The following ERCC6 variants were observed in gnomAD, a reference collection of about 807,000 sequenced individuals.
ERCC6 encodes the protein ERCC excision repair 6, chromatin remodeling factor.
A neutral mutation model predicts 158.7 loss-of-function variants in ERCC6; 116 were observed. The observed-to-expected ratio is 0.73, with a 90% confidence interval of 0.63 to 0.85. The LOEUF (loss-of-function observed/expected upper bound fraction) is 0.85. Ranked by LOEUF, ERCC6 falls within the 40% of genes least tolerant of loss-of-function variation. ERCC6 has a pLI of 0.00. For missense variants in ERCC6, 1,698 were observed against 1,799.4 expected, an observed-to-expected ratio of 0.94 and a Z score of 1.02; for synonymous variants, 678 against 659.3, an observed-to-expected ratio of 1.03 and a Z score of -0.43.
intron 5 of ERCC6, among the ~76,000 whole-genome samples, chr10:49,509,153 G>C (rs1851494523): frequency 6.6e-6 from 1 of 152,168 alleles, no homozygotes; most frequent in African/African-American, 2.4e-5. Context: ...CCTCCACTGA[G>C]ATGGGGAGAA....
chr10:49,464,389 G>A (rs1850636115), intron 18 of ERCC6, among the ~76,000 whole-genome samples: 2 of 152,216 alleles, frequency 1.3e-5, no homozygotes, highest in African/African-American at 2.4e-5. Context: ...AGTTTTATAA[G>A]GGAAGCAGTG....
At position 49,459,229 on chromosome 10, in the gene ERCC6, G is replaced by A. The variant is rs1398129059; in HGVS notation, c.4068C>T (p.Gly1356=). Residue 1356 remains glycine, a synonymous_variant, in exon 21 of 21, where the codon GGC becomes GGT. Coordinates refer to ENST00000355832, the MANE Select transcript of ERCC6 (RefSeq NM_000124.4). ...STSPTEKCQD[G]IMKKEGKDNV... is the part of the protein sequence containing the mutation. ...TATCTTTTCCCTCCTTTTTCATGAT[G>A]CCATCCTATAAAAAGAAGACCACTA... The A allele has an allele frequency of 1.2e-6, 2 of 1,613,760 alleles. No homozygotes were observed. Among genetic ancestry groups the A allele is most frequent in the South Asian group, 1.1e-5 (1 of 91,070 alleles).
downstream of ERCC6, among the ~76,000 whole-genome samples, chr10:49,449,842 G>A (rs775461028): frequency 1.8e-4 from 27 of 151,364 alleles, no homozygotes; most frequent in Non-Finnish European, 2.8e-4. Context: ...GAGCCACCGC[G>A]CCTGGCCTCT....
intron 19 of ERCC6, 151 bp from the exon 20 acceptor site, chr10:49,460,602 C>G (rs1210267997): frequency 1.5e-6 from 1 of 682,858 alleles, no homozygotes; most frequent in African/African-American, 1.8e-5. Flanking sequence ...CTATCCCCCT[C>G]GATTCTTCCA....
intron 5 of ERCC6, among the ~76,000 whole-genome samples, chr10:49,523,750 A>G (rs1837234166): frequency 6.6e-6 from 1 of 152,100 alleles, no homozygotes; most frequent in South Asian, 2.1e-4. Context: ...GCTCACACTC[A>G]GCCCTCTGTA....
chr10:49,443,807 T>G, the ERCC6 span, among the ~76,000 whole-genome samples: 436 of 152,340 alleles, frequency 2.9e-3, 2 homozygotes, highest in African/African-American at 0.01. Context: ...CCATATAGCC[T>G]AGGTGTGTAG....
chr10:49,530,353 A>G (rs748391653), intron 3 of ERCC6, among the ~76,000 whole-genome samples: 67 of 152,296 alleles, frequency 4.4e-4, no homozygotes, highest in Admixed American at 1.6e-3. Context: ...GGACTTAACT[A>G]TGGTTTGACT....
At position 49,532,977 on chromosome 10, in the gene ERCC6, A is replaced by C; in HGVS notation, c.-13T>G. ...CCTCATTTGGCATTCTCTACAGACT[A>C]CCTAAAAGGAAAAAAATTTATAAGC... On this transcript the variant is annotated splice_region_variant and 5_prime_UTR_variant, in exon 2 of 21. Coordinates refer to ENST00000355832, the MANE Select transcript of ERCC6 (RefSeq NM_000124.4). The C allele has an allele frequency of 6.2e-7, 1 of 1,614,174 alleles. No homozygotes were observed. Among genetic ancestry groups the C allele is most frequent in the Non-Finnish European group, 8.5e-7 (1 of 1,180,036 alleles).
chr10:49,457,583 TAGC>T lies in ERCC6; in HGVS notation c.*1229_*1231del, dbSNP rs1217230248. The T allele has an allele frequency of 3.3e-5, 5 of 151,868 alleles. No homozygotes were observed. The highest frequency in any genetic ancestry group is 7.4e-5 in the Non-Finnish European group (5 of 67,994). 9.4% of individuals were successfully genotyped at this position (151,868 alleles called of 1,614,324 possible). On this transcript the variant is annotated 3_prime_UTR_variant, in exon 21 of 21. Transcript: ENST00000355832. ...TAAGCATGAGAGAGATGTAAAGAAA[TAGC>T]AGGGTAGGAGGGCAGGCATACTACA...
At chr10:49,534,401 T>C (rs936540579) in intron 1 of ERCC6, among the ~76,000 whole-genome samples, 7 of 152,198 alleles carry the variant, frequency 4.6e-5, no homozygotes, top group Non-Finnish European at 1.0e-4. Context: ...CACACACAGG[T>C]GCAAGAATGT....
chr10:49,538,724 C>T (rs1432218638), intron 1 of ERCC6, among the ~76,000 whole-genome samples: 2 of 152,230 alleles, frequency 1.3e-5, no homozygotes, highest in Non-Finnish European at 2.9e-5. Flanking sequence ...GTAGCTGGGT[C>T]GCTGGCCGGC....
intron 2 of ERCC6, 60 bp from the exon 3 acceptor site, chr10:49,530,900 A>G (rs1837454930): frequency 1.3e-6 from 2 of 1,593,878 alleles, no homozygotes; most frequent in South Asian, 1.1e-5. Context: ...AGCATAATAT[A>G]AAGAGAAAAA....
intron 10 of ERCC6, 122 bp from the exon 11 acceptor site, chr10:49,478,592 C>CAGTGGGAA (rs1850920943): frequency 1.3e-6 from 1 of 744,614 alleles, no homozygotes; most frequent in Admixed American, 1.9e-5. Context: ...TGTATAAAGT[C>CAGTGGGAA]AGTGGGAAAT....
chr10:49,503,132 C>T (rs1240926234), intron 6 of ERCC6: 1 of 152,138 alleles, frequency 6.6e-6, no homozygotes, highest in African/African-American at 2.4e-5. Context: ...GGTCCAACAA[C>T]TCTTTTTGCT....
rs1398927624 is a variant in ERCC6, at chr10:49,470,400, T to G, written c.3560A>C (p.His1187Pro). 25 of 1,614,070 alleles carry G rather than the reference T, an allele frequency of 1.5e-5. No homozygotes were observed. The highest frequency in any genetic ancestry group is 2.0e-5 in the Non-Finnish European group (24 of 1,180,032). ...GGTCTCTTCTTCTGCCACACTATGA[T>G]GTTTTGTTTTTGACTTGTGCTTATA... Reference protein sequence around the residue: ...NFYKHKSKTKHHSVAEEETLE... With the variant: ...NFYKHKSKTKPHSVAEEETLE... Residue 1187 changes from histidine (H) to proline (P), a missense_variant, in exon 18 of 21, where the codon CAT becomes CCT. Physicochemically the swap from His to Pro is moderately conservative, Grantham distance 77. Coordinates refer to ENST00000355832, the MANE Select transcript of ERCC6 (RefSeq NM_000124.4).
chr10:49,524,252 G>A lies in ERCC6; in HGVS notation c.1178C>T (p.Ala393Val), dbSNP rs370925858. 3.0e-5 allele frequency: 49 copies of A among 1,613,884 alleles called. No homozygotes were observed. The highest frequency in any genetic ancestry group is 3.3e-4 in the Middle Eastern group (2 of 6,084). Residue 393 changes from alanine (A) to valine (V), a missense_variant, in exon 5 of 21, where the codon GCG (alanine) becomes GTG (valine). Transcript: ENST00000355832. ...EEDDEVEGAE[A>V]DLSGDGTDYE... The stretch of plus-strand genomic sequence containing the variant: ...GTCAGTACCATCTCCAGACAGGTCC[G>A]CCTCTGCCCCCTCCACCTCGTCATC...
At chr10:49,527,046 C>G (rs1266416332) in intron 4 of ERCC6, among the ~76,000 whole-genome samples, 1 of 152,110 alleles carries the variant, frequency 6.6e-6, no homozygotes, top group Non-Finnish European at 1.5e-5. Flanking sequence ...AAAAGAAAAC[C>G]AGTAGAGAAG....
chr10:49,526,109 ATATATT>A (rs1837322455), intron 4 of ERCC6, among the ~76,000 whole-genome samples: 1 of 65,590 alleles, frequency 1.5e-5, no homozygotes, highest in Non-Finnish European at 2.9e-5. Flanking sequence ...TTATATATTT[ATATATT>A]TTTATATATA....
intron 18 of ERCC6, among the ~76,000 whole-genome samples, chr10:49,468,765 C>G (rs1850721393): frequency 6.6e-6 from 1 of 152,198 alleles, no homozygotes; most frequent in Non-Finnish European, 1.5e-5. Context: ...AAATACCATT[C>G]TCCAGGGTTC....
Sources: allele counts gnomAD v4.1 joint callset (sites outside exome capture counted in the v4.1 genomes callset), GRCh38; gene constraint gnomAD v4.1.1; transcripts MANE v1.5; gene names NCBI Gene and HGNC (gene_info 2026-07-23, HGNC 2026-07-21).